The following ICA1 variants were observed in gnomAD, a reference collection of about 807,000 sequenced individuals.
The protein encoded by ICA1 is islet cell autoantigen 1.
Under a neutral mutation model 71.0 loss-of-function variants are expected in ICA1, and 40 were observed. The ratio of observed to expected loss-of-function variants is 0.56; its 90% confidence interval spans 0.44 to 0.73. The LOEUF is 0.73. ICA1 is among the 30% of genes least tolerant of loss of function. The pLI, the probability that ICA1 is intolerant of heterozygous loss-of-function variation, is 0.00. For synonymous variants in ICA1, 207 were observed against 209.5 expected, an observed-to-expected ratio of 0.99 and a Z score of 0.10; for missense variants, 578 against 576.5, an observed-to-expected ratio of 1.00 and a Z score of -0.03.
At chr7:8,187,817 G>T (rs1451222177) in intron 6 of ICA1, among the ~76,000 whole-genome samples, 1 of 152,156 alleles carries the variant, frequency 6.6e-6, no homozygotes, top group Non-Finnish European at 1.5e-5. Flanking sequence ...GATTTGCACA[G>T]ATTTAGTATC....
chr7:8,210,861 C>T (rs1793530799), intron 6 of ICA1, among the ~76,000 whole-genome samples: 1 of 152,120 alleles, frequency 6.6e-6, no homozygotes, highest in Non-Finnish European at 1.5e-5. Context: ...TACAGACGTG[C>T]ACCACCATGG....
chr7:8,163,893 C>T (rs1299895258), intron 6 of ICA1, among the ~76,000 whole-genome samples: 1 of 152,098 alleles, frequency 6.6e-6, no homozygotes, highest in Non-Finnish European at 1.5e-5. Context: ...AATTTTTATC[C>T]TGGAATAGCA....
intron 6 of ICA1, among the ~76,000 whole-genome samples, chr7:8,203,056 C>T (rs146389335): frequency 6.6e-6 from 1 of 152,316 alleles, no homozygotes; most frequent in East Asian, 1.9e-4. Context: ...TAACCTGGGG[C>T]TCCATTCTAG....
At chr7:8,143,405 CAACACTTTCAT>C (rs1795862073) in intron 9 of ICA1, among the ~76,000 whole-genome samples, 3 of 152,160 alleles carry the variant, frequency 2.0e-5, no homozygotes, top group Admixed American at 6.5e-5. Context: ...TGCCAAAATC[CAACACTTTCAT>C]ATGATGATGC....
intron 3 of ICA1, among the ~76,000 whole-genome samples, chr7:8,229,521 T>C (rs182505821): frequency 1.3e-5 from 2 of 152,318 alleles, no homozygotes; most frequent in East Asian, 1.9e-4. Flanking sequence ...CTTGCCTCTG[T>C]AGAGCCACTC....
chr7:8,225,439 C>A (rs1347414431), intron 4 of ICA1, among the ~76,000 whole-genome samples: 2 of 152,148 alleles, frequency 1.3e-5, no homozygotes, highest in Non-Finnish European at 2.9e-5. Context: ...CAAGCACTTC[C>A]TTATGTTCTA....
intron 1 of ICA1, among the ~76,000 whole-genome samples, chr7:8,251,706 A>G (rs1204087929): frequency 6.6e-6 from 1 of 152,068 alleles, no homozygotes; most frequent in African/African-American, 2.4e-5. Context: ...CATCTATTCC[A>G]AGAGATGTTT....
intron 8 of ICA1, among the ~76,000 whole-genome samples, chr7:8,147,363 A>G (rs985305473): frequency 2.0e-5 from 3 of 152,158 alleles, no homozygotes; most frequent in African/African-American, 7.2e-5. Context: ...TTAAGTCACT[A>G]TTGTGCTTCT....
chr7:8,217,419 T>C (rs1213228829), intron 6 of ICA1, among the ~76,000 whole-genome samples: 1 of 152,182 alleles, frequency 6.6e-6, no homozygotes, highest in East Asian at 1.9e-4. Context: ...ATGGTTCTAT[T>C]TGTAGCTCTG....
rs1791869638 is a variant in ICA1, at chr7:8,132,567, A to T, written c.1061-4425T>A. 6.6e-6 allele frequency among the ~76,000 whole-genome samples: 1 copy of T among 151,916 alleles called. No homozygotes were observed. The highest frequency in any genetic ancestry group is 1.5e-5 in the Non-Finnish European group (1 of 67,986). On this transcript the variant is annotated intron_variant, in intron 12 of 13. Transcript: ENST00000402384. This position sits in a 1 kb window ranked among gnomAD's most constrained non-coding sequence, Gnocchi z 4.5. ...TCTGAGGCTCTTTTCCCAGGCCTTTACCTGTACAGCATCATTTGTACCACT... is the reference window on the plus strand; with the variant it reads ...TCTGAGGCTCTTTTCCCAGGCCTTTTCCTGTACAGCATCATTTGTACCACT...
intron 13 of ICA1, among the ~76,000 whole-genome samples, chr7:8,124,649 G>A (rs1788440215): frequency 6.6e-6 from 1 of 152,164 alleles, no homozygotes; most frequent in South Asian, 2.1e-4. Context: ...TGTAAGTGTG[G>A]CAGAAGCTGA....
intron 2 of ICA1, 126 bp from the exon 3 acceptor site, chr7:8,232,881 T>G (rs1800693324): frequency 1.3e-6 from 1 of 787,854 alleles, no homozygotes; most frequent in Non-Finnish European, 1.9e-6. Flanking sequence ...GATAAACGTA[T>G]GAGCACTTTC....
At chr7:8,116,860 G>T (rs1784949544) in intron 13 of ICA1, among the ~76,000 whole-genome samples, 1 of 152,132 alleles carries the variant, frequency 6.6e-6, no homozygotes, top group Non-Finnish European at 1.5e-5. Flanking sequence ...TATATGAGGG[G>T]GAAAGAAATC....
intron 6 of ICA1, among the ~76,000 whole-genome samples, chr7:8,194,157 G>A (rs1043661348): frequency 1.3e-5 from 2 of 152,118 alleles, no homozygotes. Flanking sequence ...CTCCAAAGCT[G>A]GCTTGCTCTG....
chr7:8,208,195 G>A (rs954236252), intron 6 of ICA1, among the ~76,000 whole-genome samples: 1 of 152,082 alleles, frequency 6.6e-6, no homozygotes, highest in Non-Finnish European at 1.5e-5. Context: ...ACGTAAAAGT[G>A]GCAATCTAGG....
intron 1 of ICA1, among the ~76,000 whole-genome samples, chr7:8,250,450 TATTA>T (rs1329345120): frequency 6.6e-6 from 1 of 152,170 alleles, no homozygotes; most frequent in African/African-American, 2.4e-5. Flanking sequence ...AAAAGCTAGG[TATTA>T]ATTAAAGTAA....
Position 8,126,570 on chromosome 7 carries a change from A to G in ICA1, c.1330+1303T>C, listed in dbSNP as rs1210361656. Reference sequence around the variant, plus strand: ...AAAGACTTTTTTTTTTGTCTTGCCCACCAACTCTTGTGTCCATGATCTCAT... The same window carrying G: ...AAAGACTTTTTTTTTTGTCTTGCCCGCCAACTCTTGTGTCCATGATCTCAT... On this transcript the variant is annotated intron_variant, in intron 13 of 13. Transcript: ENST00000402384. Among the ~76,000 whole-genome samples, 5 of 151,802 alleles carry G rather than the reference A, an allele frequency of 3.3e-5. No homozygotes were observed. In the East Asian group the frequency reaches 9.6e-4, roughly 29 times the overall value.
At position 8,138,839 on chromosome 7, in the gene ICA1, C is replaced by T. The variant is rs1178105269; in HGVS notation, c.1060+1G>A. ...ATCCCAAAGAAACACATAAATCTTACCACCTTCCTCAGATTTCATGTCTAA... is the reference window on the plus strand; with the variant it reads ...ATCCCAAAGAAACACATAAATCTTATCACCTTCCTCAGATTTCATGTCTAA... On this transcript the variant is annotated splice_donor_variant, in intron 12 of 13. Coordinates refer to ENST00000402384, the MANE Select transcript of ICA1 (RefSeq NM_001136020.3). LOFTEE classifies it high-confidence loss of function. The T allele has an allele frequency of 6.3e-7, 1 of 1,597,938 alleles. No homozygotes were observed. The highest frequency in any genetic ancestry group is 8.6e-7 in the Non-Finnish European group (1 of 1,167,044).
intron 6 of ICA1, among the ~76,000 whole-genome samples, chr7:8,162,503 A>G (rs1191387383): frequency 6.6e-6 from 1 of 152,206 alleles, no homozygotes; most frequent in Non-Finnish European, 1.5e-5. Context: ...AGGTTAAAAC[A>G]CCAAGGACAT....
Sources: gnomAD v4.1 joint callset for allele counts (sites outside exome capture counted in the v4.1 genomes callset) on GRCh38, gnomAD v4.1.1 for gene constraint, Gnocchi (gnomAD v3.1) non-coding constraint, MANE v1.5 for transcripts, NCBI Gene and HGNC (gene_info 2026-07-23, HGNC 2026-07-21) for gene names.